Variants in HNRNPA0 observed in about 807,000 individuals in gnomAD.
HNRNPA0 encodes heterogeneous nuclear ribonucleoprotein A0.
For missense variants in HNRNPA0, 252 were observed against 433.7 expected (o/e 0.58, Z 3.72); for synonymous variants, 243 against 195.5 (o/e 1.24, Z -2.03).
rs528878373 is a variant in HNRNPA0, at chr5:137,746,398, C to A, written c.*6751G>T. 3 of 152,300 alleles carry A rather than the reference C, an allele frequency of 2.0e-5. No individual in the cohort carries two copies. The highest frequency in any genetic ancestry group is 2.0e-4 in the Admixed American group (3 of 15,300). The allele number at this position is 152,300 out of a possible 1,614,324, so 9.4% of individuals were successfully genotyped here. ...CAAATCCCTACATGATCTGGCCCCTCTGGCCTCATTATTCCTTTCCTCCTC... is the reference window on the plus strand; with the variant it reads ...CAAATCCCTACATGATCTGGCCCCTATGGCCTCATTATTCCTTTCCTCCTC... On this transcript the variant is annotated 3_prime_UTR_variant, in exon 1 of 1. Transcript: ENST00000314940.
At position 137,753,031 on chromosome 5, in the gene HNRNPA0, C is replaced by G; in HGVS notation, c.*118G>C. The G allele has an allele frequency of 8.5e-7, 1 of 1,183,194 alleles. No individual in the cohort carries two copies. The highest frequency in any genetic ancestry group is 1.2e-6 in the Non-Finnish European group (1 of 848,898). 73.3% of individuals were successfully genotyped at this position (1,183,194 alleles called of 1,614,324 possible). On this transcript the variant is annotated 3_prime_UTR_variant, in exon 1 of 1. Coordinates refer to ENST00000314940, the MANE Select transcript of HNRNPA0 (RefSeq NM_006805.4). This position sits in a 1 kb window ranked among gnomAD's most constrained non-coding sequence, Gnocchi z 6.1. ...GTAAGCAGCCTTAGAAGTGGCTCCC[C>G]CAAGGGCAAAACAGGGAAGGCGGTG... is the stretch of plus-strand genomic sequence containing the variant.
At position 137,753,116 on chromosome 5, in the gene HNRNPA0, C is replaced by T. The variant is rs200727298; in HGVS notation, c.*33G>A. On this transcript the variant is annotated 3_prime_UTR_variant, in exon 1 of 1. Transcript: ENST00000314940. This position sits in a 1 kb window ranked among gnomAD's most constrained non-coding sequence, Gnocchi z 6.1. ...CTTGGGCTGTTGGAAAGAGCTACCCCTATAGCCACTCCCAGGCATTTTAAA... is the reference window on the plus strand; with the variant it reads ...CTTGGGCTGTTGGAAAGAGCTACCCTTATAGCCACTCCCAGGCATTTTAAA... The T allele has an allele frequency of 0.016, 24,957 of 1,590,250 alleles. 438 individuals carry two copies. The highest frequency in any genetic ancestry group is 0.07 in the South Asian group (6,043 of 86,418).
At position 137,747,976 on chromosome 5, in the gene HNRNPA0, C is replaced by G. The variant is rs1580799416; in HGVS notation, c.*5173G>C. 1 of 152,196 alleles carries G rather than the reference C, an allele frequency of 6.6e-6. No individual in the cohort carries two copies. Among genetic ancestry groups the G allele is most frequent in the African/African-American group, 2.4e-5 (1 of 41,454 alleles). The allele number at this position is 152,196 out of a possible 1,614,324, so 9.4% of individuals were successfully genotyped here. ...ATTGGTCAAACTTGGATTCAACTCT[C>G]AGTTCTACCATGTCACCAGCTGGGG... On this transcript the variant is annotated 3_prime_UTR_variant, in exon 1 of 1. Transcript: ENST00000314940.
rs1443401512 is a variant in HNRNPA0 at position 137,747,817 on chromosome 5, C to CA, written c.*5331dup. ...AGTCCAAACTCCTTAGCCTACTACT[C>CA]AAAGACCTCAGTAACCTGGTTCCAA... On this transcript the variant is annotated 3_prime_UTR_variant, in exon 1 of 1. Transcript: ENST00000314940. 1.3e-5 allele frequency: 2 copies of CA among 152,338 alleles called. No homozygotes were observed. The highest frequency in any genetic ancestry group is 1.9e-4 in the East Asian group (1 of 5,194). The allele number at this position is 152,338 out of a possible 1,614,324, so 9.4% of individuals were successfully genotyped here.
rs1412038628 is a variant in HNRNPA0 at position 137,753,505 on chromosome 5, A to C, written c.562T>G (p.Ser188Ala). 1.3e-6 allele frequency: 2 copies of C among 1,598,510 alleles called. No homozygotes were observed. The highest frequency in any genetic ancestry group is 1.7e-6 in the Non-Finnish European group (2 of 1,172,424). Residue 188 changes from serine to alanine, a missense_variant, in exon 1 of 1, where the codon TCC becomes GCC. By Grantham distance (99) the Ser-to-Ala change is moderately conservative. Coordinates refer to ENST00000314940, the MANE Select transcript of HNRNPA0 (RefSeq NM_006805.4). This position sits in a 1 kb window ranked among gnomAD's most constrained non-coding sequence, Gnocchi z 6.1. ...DIYSGGGGGG[S>A]RSSRGGRGGR... is the part of the protein sequence containing the mutation. ...CCTCGGCCGCCCCGGGAGGATCGGGAGCCGCCTCCACCCCCACCGGAGTAG... is the reference window on the plus strand; with the variant it reads ...CCTCGGCCGCCCCGGGAGGATCGGGCGCCGCCTCCACCCCCACCGGAGTAG...
Position 137,754,203 on chromosome 5 carries a change from G to A in HNRNPA0, c.-137C>T, listed in dbSNP as rs1284326074. The A allele has an allele frequency of 1.1e-5, 13 of 1,181,502 alleles. No individual in the cohort carries two copies. The highest frequency in any genetic ancestry group is 2.6e-5 in the East Asian group (1 of 38,656). 73.2% of individuals were successfully genotyped at this position (1,181,502 alleles called of 1,614,324 possible). ...ACCCCCGCCGCTCACCGACGGGGAAGGGAAAAAGGGAAGGGGAGGGAAGGA... is the reference window on the plus strand; with the variant it reads ...ACCCCCGCCGCTCACCGACGGGGAAAGGAAAAAGGGAAGGGGAGGGAAGGA... On this transcript the variant is annotated 5_prime_UTR_variant, in exon 1 of 1. Transcript: ENST00000314940.
At position 137,748,908 on chromosome 5, in the gene HNRNPA0, T is replaced by C. The variant is rs1005255111; in HGVS notation, c.*4241A>G. Reference sequence around the variant, plus strand: ...CAATGACAATGGAGCTAACTCCAATTTTGATGGTGTGAACAATATGAGATT... The same window carrying C: ...CAATGACAATGGAGCTAACTCCAATCTTGATGGTGTGAACAATATGAGATT... On this transcript the variant is annotated 3_prime_UTR_variant, in exon 1 of 1. Coordinates refer to ENST00000314940, the MANE Select transcript of HNRNPA0 (RefSeq NM_006805.4). 2.0e-5 allele frequency: 3 copies of C among 146,672 alleles called. No individual in the cohort carries two copies. The highest frequency in any genetic ancestry group is 7.4e-5 in the African/African-American group (3 of 40,592). 9.1% of individuals were successfully genotyped at this position (146,672 alleles called of 1,614,324 possible).
In HNRNPA0 at chr5:137,747,230, C is replaced by T. The variant is rs1753421166; in HGVS notation, c.*5919G>A. 5.3e-5 allele frequency: 8 copies of T among 152,312 alleles called. No individual in the cohort carries two copies. In the Middle Eastern group the frequency reaches 0.014, roughly 259 times the overall value. The allele number at this position is 152,312 out of a possible 1,614,324, so 9.4% of individuals were successfully genotyped here. On this transcript the variant is annotated 3_prime_UTR_variant, in exon 1 of 1. Coordinates refer to ENST00000314940, the MANE Select transcript of HNRNPA0 (RefSeq NM_006805.4). ...GAGCAAATATTTCAGCCTCACTTTT[C>T]TATCACTGTCCAAACCCACCATGAA...
rs1469591027 is a variant in HNRNPA0 at position 137,749,289 on chromosome 5, G to GT, written c.*3859dup. ...GCCTGCCTGAATAGAGAAGGAAACAGTTAAGAATAACTACCAAAGGTGTCT... is the reference window on the plus strand; with the variant it reads ...GCCTGCCTGAATAGAGAAGGAAACAGTTTAAGAATAACTACCAAAGGTGTCT... On this transcript the variant is annotated 3_prime_UTR_variant, in exon 1 of 1. Coordinates refer to ENST00000314940, the MANE Select transcript of HNRNPA0 (RefSeq NM_006805.4). 3 of 152,172 alleles carry GT rather than the reference G, an allele frequency of 2.0e-5. No individual in the cohort carries two copies. Among genetic ancestry groups the GT allele is most frequent in the Non-Finnish European group, 4.4e-5 (3 of 68,008 alleles). 9.4% of individuals were successfully genotyped at this position (152,172 alleles called of 1,614,324 possible).
chr5:137,753,869 G>T lies in HNRNPA0; in HGVS notation c.198C>A (p.Ala66=). 6.2e-7 allele frequency: 1 copy of T among 1,613,338 alleles called. No homozygotes were observed. The highest frequency in any genetic ancestry group is 1.1e-5 in the South Asian group (1 of 91,082). Residue 66 remains alanine, a synonymous_variant, in exon 1 of 1, where the codon GCC becomes GCA. Transcript: ENST00000314940. This position sits in a 1 kb window ranked among gnomAD's most constrained non-coding sequence, Gnocchi z 6.1. ...TGCCGTCCACGGCATGGGGCGAGGC[G>T]GCCATGGCGGCGTCCGCCTCCTCCA... is the stretch of plus-strand genomic sequence containing the variant. The part of the protein sequence containing the change: ...SNVEEADAAM[A]ASPHAVDGNT...
chr5:137,753,943 G>C lies in HNRNPA0; in HGVS notation c.124C>G (p.Pro42Ala). ...TLTDCVVVVN[P>A]QTKRSRCFGF... ...AAGCAACGGGAGCGCTTGGTCTGGG[G>C]ATTCACCACCACCACGCAGTCCGTC... Residue 42 changes from proline to alanine, a missense_variant, in exon 1 of 1, where the codon CCC (proline) becomes GCC (alanine). Coordinates refer to ENST00000314940, the MANE Select transcript of HNRNPA0 (RefSeq NM_006805.4). This position sits in a 1 kb window ranked among gnomAD's most constrained non-coding sequence, Gnocchi z 6.1. 1.2e-6 allele frequency: 2 copies of C among 1,614,106 alleles called. No homozygotes were observed. The highest frequency in any genetic ancestry group is 1.7e-6 in the Non-Finnish European group (2 of 1,180,020).
chr5:137,749,604 T>C lies in HNRNPA0; in HGVS notation c.*3545A>G, dbSNP rs906636300. 1 of 152,156 alleles carries C rather than the reference T, an allele frequency of 6.6e-6. No individual in the cohort carries two copies. The highest frequency in any genetic ancestry group is 2.4e-5 in the African/African-American group (1 of 41,458). 9.4% of individuals were successfully genotyped at this position (152,156 alleles called of 1,614,324 possible). On this transcript the variant is annotated 3_prime_UTR_variant, in exon 1 of 1. Transcript: ENST00000314940. Reference sequence around the variant, plus strand: ...CCAAAATAAGGCTGAGGAGGAAAATTTCCCCAATGATCACTCTTAAAGTGA... The same window carrying C: ...CCAAAATAAGGCTGAGGAGGAAAATCTCCCCAATGATCACTCTTAAAGTGA...
rs1753565902 is a variant in HNRNPA0 at position 137,754,344 on chromosome 5, T to C, written c.-278A>G. ...CGCCGCCGCCACCTCCGCTCCCCTA[T>C]CTGGGCACCACACAAAGAGGCCGCT... On this transcript the variant is annotated 5_prime_UTR_variant, in exon 1 of 1. Transcript: ENST00000314940. The C allele has an allele frequency of 4.3e-6, 2 of 470,184 alleles. No individual in the cohort carries two copies. Among genetic ancestry groups the C allele is most frequent in the South Asian group, 5.9e-5 (2 of 33,924 alleles). 29.1% of individuals were successfully genotyped at this position (470,184 alleles called of 1,614,324 possible).
Position 137,749,748 on chromosome 5 carries a change from A to G in HNRNPA0, c.*3401T>C, listed in dbSNP as rs1753466021. On this transcript the variant is annotated 3_prime_UTR_variant, in exon 1 of 1. Transcript: ENST00000314940. ...CTCCAAATCCAACATCCAAATGCCT[A>G]TCTGCAATCAGCAGACGCGGGCAGA... 1 of 152,192 alleles carries G rather than the reference A, an allele frequency of 6.6e-6. No homozygotes were observed. Among genetic ancestry groups the G allele is most frequent in the African/African-American group, 2.4e-5 (1 of 41,454 alleles). 9.4% of individuals were successfully genotyped at this position (152,192 alleles called of 1,614,324 possible).
rs1753429916 is a variant in HNRNPA0 at position 137,747,656 on chromosome 5, T to C, written c.*5493A>G. 6.6e-6 allele frequency: 1 copy of C among 152,244 alleles called. No individual in the cohort carries two copies. Among genetic ancestry groups the C allele is most frequent in the Admixed American group, 6.5e-5 (1 of 15,286 alleles). 9.4% of individuals were successfully genotyped at this position (152,244 alleles called of 1,614,324 possible). On this transcript the variant is annotated 3_prime_UTR_variant, in exon 1 of 1. Transcript: ENST00000314940. ...TCTTACCTGGTTAACATCAGTTGTCTTAGCAAACTTGCCACTTTGAAACAT... is the reference window on the plus strand; with the variant it reads ...TCTTACCTGGTTAACATCAGTTGTCCTAGCAAACTTGCCACTTTGAAACAT...
At position 137,753,856 on chromosome 5, in the gene HNRNPA0, C is replaced by T. The variant is rs775966015; in HGVS notation, c.211G>A (p.Ala71Thr). The change falls in exon 1 of 1, where the codon GCC becomes ACC. Residue 71 changes from alanine (A) to threonine (T), a missense_variant. Coordinates refer to ENST00000314940, the MANE Select transcript of HNRNPA0 (RefSeq NM_006805.4). This position sits in a 1 kb window ranked among gnomAD's most constrained non-coding sequence, Gnocchi z 6.1. ...AGCTCCACAGTGTTGCCGTCCACGG[C>T]ATGGGGCGAGGCGGCCATGGCGGCG... ...ADAAMAASPH[A>T]VDGNTVELKR... The T allele has an allele frequency of 6.2e-7, 1 of 1,613,074 alleles. No individual in the cohort carries two copies. Among genetic ancestry groups the T allele is most frequent in the Admixed American group, 1.7e-5 (1 of 60,030 alleles).
chr5:137,754,267 G>A lies in HNRNPA0; in HGVS notation c.-201C>T. On this transcript the variant is annotated 5_prime_UTR_variant, in exon 1 of 1. Transcript: ENST00000314940. ...GGGGGAGGGAAGGGGAGCGGTGCCG[G>A]CTAAAGGGCGAGCCGAGGAGACTGG... 1.4e-6 allele frequency: 1 copy of A among 716,626 alleles called. No homozygotes were observed. The highest frequency in any genetic ancestry group is 3.1e-5 in the Admixed American group (1 of 32,344). The allele number at this position is 716,626 out of a possible 1,614,324, so 44.4% of individuals were successfully genotyped here. A position where few individuals can be genotyped will look rare whatever the true frequency, so the allele number is the denominator to read the frequency against.
Position 137,754,360 on chromosome 5 carries a change from A to C in HNRNPA0, c.-294T>G. 1 of 401,950 alleles carries C rather than the reference A, an allele frequency of 2.5e-6. No individual in the cohort carries two copies. The highest frequency in any genetic ancestry group is 4.7e-6 in the Non-Finnish European group (1 of 211,846). 24.9% of individuals were successfully genotyped at this position (401,950 alleles called of 1,614,324 possible). A position where few individuals can be genotyped will look rare whatever the true frequency, so the allele number is the denominator to read the frequency against. On this transcript the variant is annotated 5_prime_UTR_variant, in exon 1 of 1. Coordinates refer to ENST00000314940, the MANE Select transcript of HNRNPA0 (RefSeq NM_006805.4). ...GCTCCCCTATCTGGGCACCACACAAAGAGGCCGCTGAACGCGCGCGCACCC... is the reference window on the plus strand; with the variant it reads ...GCTCCCCTATCTGGGCACCACACAACGAGGCCGCTGAACGCGCGCGCACCC...
In HNRNPA0 at chr5:137,749,414, A is replaced by G. The variant is rs1753460504; in HGVS notation, c.*3735T>C. The G allele has an allele frequency of 6.6e-6, 1 of 152,184 alleles. No individual in the cohort carries two copies. Among genetic ancestry groups the G allele is most frequent in the African/African-American group, 2.4e-5 (1 of 41,452 alleles). The allele number at this position is 152,184 out of a possible 1,614,324, so 9.4% of individuals were successfully genotyped here. A position where few individuals can be genotyped will look rare whatever the true frequency, so the allele number is the denominator to read the frequency against. On this transcript the variant is annotated 3_prime_UTR_variant, in exon 1 of 1. Transcript: ENST00000314940. ...AGAGAATTGCCCTTCTAGTCTTCCT[A>G]CTTTGGAATTCCTTTTTAAATAGCA...
Sources: gnomAD v4.1 joint callset for allele counts on GRCh38, gnomAD v4.1.1 for gene constraint, Gnocchi (gnomAD v3.1) non-coding constraint, MANE v1.5 for transcripts, NCBI Gene and HGNC (gene_info 2026-07-23, HGNC 2026-07-21) for gene names.